The following NAV2 variants were observed in gnomAD, a reference collection of about 807,000 sequenced individuals.
NAV2 encodes the protein neuron navigator 2.
NAV2 carries 54 observed loss-of-function variants against 223.2 expected under a neutral mutation model. The observed-to-expected ratio is 0.24, with a 90% CI of 0.19 to 0.30. The LOEUF (loss-of-function observed/expected upper bound fraction) is 0.30. Among genes scored for constraint, NAV2 ranks in the 10% least tolerant of loss-of-function variants. NAV2 has a pLI of 1.00. For synonymous variants in NAV2, 1,279 were observed against 1,239.3 expected (o/e 1.03, Z -0.67); for missense variants, 2,806 against 3,147.5 (o/e 0.89, Z 2.60).
Position 20,054,172 on chromosome 11 carries a change from A to C in NAV2, c.4574A>C (p.Asn1525Thr). ...SAGGLQDTAA[N>T]SPFSSGSSVT... ...GGAGGCCTTCAGGACACCGCTGCCA[A>C]TTCCCCCTTTTCCTCTGGCTCCAGC... is the stretch of plus-strand genomic sequence containing the variant. The change falls in exon 18 of 38, where the codon AAT (asparagine) becomes ACT (threonine). Residue 1525 changes from asparagine (N) to threonine (T), a missense_variant. Physicochemically the swap from Asn to Thr is moderately conservative, Grantham distance 65 (BLOSUM62 0). Coordinates refer to ENST00000349880, the MANE Select transcript of NAV2 (RefSeq NM_145117.5). The C allele has an allele frequency of 6.2e-7, 1 of 1,613,654 alleles. No individual in the cohort carries two copies. The highest frequency in any genetic ancestry group is 8.5e-7 in the Non-Finnish European group (1 of 1,179,924).
chr11:19,625,705 C>T (rs377722444), intron 1 of NAV2, among the ~76,000 whole-genome samples: 4 of 152,126 alleles, frequency 2.6e-5, no homozygotes, highest in Admixed American at 2.0e-4. Context: ...TCTTTGCCAA[C>T]ATTTGTTCTT....
At chr11:19,785,565 C>G (rs1455089442) in intron 1 of NAV2, among the ~76,000 whole-genome samples, 1 of 151,798 alleles carries the variant, frequency 6.6e-6, no homozygotes, top group Non-Finnish European at 1.5e-5. Context: ...ACATTTAATC[C>G]AAAGAGTAAG....
At chr11:19,798,049 G>T (rs1039588934) in intron 1 of NAV2, among the ~76,000 whole-genome samples, 2 of 152,040 alleles carry the variant, frequency 1.3e-5, no homozygotes, top group Non-Finnish European at 2.9e-5. Flanking sequence ...CCCTCCCTCT[G>T]GTCTCCAGTA....
At chr11:19,532,764 G>A (rs1043341631) in intron 1 of NAV2, among the ~76,000 whole-genome samples, 5 of 152,156 alleles carry the variant, frequency 3.3e-5, no homozygotes, top group African/African-American at 9.7e-5. Flanking sequence ...TGGAGCCCAA[G>A]GGCAACCCCT....
chr11:19,611,711 C>T (rs1565098875), intron 1 of NAV2, among the ~76,000 whole-genome samples: 1 of 152,300 alleles, frequency 6.6e-6, no homozygotes, highest in African/African-American at 2.4e-5. Flanking sequence ...GGCAGCTCCA[C>T]CCCTGTGGCT....
intron 1 of NAV2, among the ~76,000 whole-genome samples, chr11:19,599,261 CT>C (rs1298309874): frequency 2.0e-5 from 3 of 152,222 alleles, no homozygotes; most frequent in Admixed American, 6.5e-5. Flanking sequence ...TTCTTTCCCC[CT>C]GAGAATCCTT....
chr11:19,507,818 C>G (rs1564997156), intron 1 of NAV2, among the ~76,000 whole-genome samples: 1 of 152,128 alleles, frequency 6.6e-6, no homozygotes, highest in East Asian at 1.9e-4. Flanking sequence ...ACAACCCTAT[C>G]AGTGAGTCCA....
intron 1 of NAV2, among the ~76,000 whole-genome samples, chr11:19,831,250 T>TG (rs543941517): frequency 2.0e-4 from 1 of 5,038 alleles, no homozygotes; most frequent in Non-Finnish European, 4.1e-4. Flanking sequence ...CGATGGGGAG[T>TG]GGGGGGGGAT....
At chr11:19,382,499 C>A (rs1421600890) in intron 1 of NAV2, among the ~76,000 whole-genome samples, 1 of 152,186 alleles carries the variant, frequency 6.6e-6, no homozygotes, top group African/African-American at 2.4e-5. Flanking sequence ...TCCGGCAGCC[C>A]ACTTATAGGC....
chr11:19,643,150 A>T (rs1482615463), intron 1 of NAV2, among the ~76,000 whole-genome samples: 1 of 151,844 alleles, frequency 6.6e-6, no homozygotes, highest in Non-Finnish European at 1.5e-5. Context: ...GGATGGATGT[A>T]TTTGCTCTTC....
At chr11:19,718,478 A>G (rs528308242) in intron 1 of NAV2, among the ~76,000 whole-genome samples, 76 of 152,366 alleles carry the variant, frequency 5.0e-4, no homozygotes, top group African/African-American at 1.8e-3. Context: ...GTTGAAAAAG[A>G]AAGCATAGAG....
chr11:19,627,912 C>CA (rs72074806), intron 1 of NAV2, among the ~76,000 whole-genome samples: 2,230 of 119,392 alleles, frequency 0.019, 46 homozygotes, highest in East Asian at 0.06. Context: ...TCCTTGTTTT[C>CA]AAAAAAAAAA....
chr11:20,031,795 C>G (rs987663416), intron 11 of NAV2, among the ~76,000 whole-genome samples: 2 of 151,928 alleles, frequency 1.3e-5, no homozygotes, highest in Admixed American at 6.6e-5. Flanking sequence ...TGTGTAGTCA[C>G]ATAAGTTTGG....
intron 11 of NAV2, among the ~76,000 whole-genome samples, chr11:19,999,749 C>A (rs1394046394): frequency 3.9e-5 from 6 of 152,214 alleles, no homozygotes; most frequent in African/African-American, 1.4e-4. Context: ...GTCAGTTAAC[C>A]ATCCTGAGCC....
chr11:20,085,919 A>T (rs1320878767), intron 26 of NAV2, among the ~76,000 whole-genome samples: 1 of 152,148 alleles, frequency 6.6e-6, no homozygotes, highest in African/African-American at 2.4e-5. Flanking sequence ...GTGAAGGAGG[A>T]AATGGGCTTT....
intron 1 of NAV2, among the ~76,000 whole-genome samples, chr11:19,600,655 A>C (rs1379301897): frequency 6.6e-6 from 1 of 152,190 alleles, no homozygotes; most frequent in Non-Finnish European, 1.5e-5. Flanking sequence ...AGCTTCCTTG[A>C]GCCTCAATTT....
intron 1 of NAV2, among the ~76,000 whole-genome samples, chr11:19,391,270 C>T (rs766157086): frequency 1.3e-5 from 2 of 152,132 alleles, no homozygotes; most frequent in South Asian, 2.1e-4. Flanking sequence ...CCCTGCTTCA[C>T]CCTTAGCTTC....
chr11:19,901,875 G>T (rs2042474888), intron 6 of NAV2, among the ~76,000 whole-genome samples: 1 of 152,106 alleles, frequency 6.6e-6, no homozygotes, highest in Non-Finnish European at 1.5e-5. Flanking sequence ...TTTCTGCTAA[G>T]CTAACAGATT....
chr11:19,451,292 G>T (rs558246159), intron 1 of NAV2, among the ~76,000 whole-genome samples: 2 of 151,938 alleles, frequency 1.3e-5, no homozygotes, highest in Admixed American at 6.6e-5. Context: ...CTTCTTTCAT[G>T]ACTCCAAGAT....
Sources: allele counts gnomAD v4.1 joint callset (sites outside exome capture counted in the v4.1 genomes callset), GRCh38; gene constraint gnomAD v4.1.1; transcripts MANE v1.5; gene names NCBI Gene and HGNC (gene_info 2026-07-23, HGNC 2026-07-21).